Variants in GRM1 observed in about 807,000 individuals in gnomAD.
The protein encoded by GRM1 is glutamate metabotropic receptor 1.
In GRM1, 33 loss-of-function variants were observed where a neutral mutation model predicts 90.9. That is an observed-to-expected ratio of 0.36 (90% CI 0.28 to 0.49). The LOEUF is 0.49. Ranked by LOEUF, GRM1 falls within the 20% of genes least tolerant of loss-of-function variation. The pLI, the probability that GRM1 is intolerant of heterozygous loss-of-function variation, is 0.99. For missense variants in GRM1, 1,190 were observed against 1,534.3 expected, an observed-to-expected ratio of 0.78 and a Z score of 3.75; for synonymous variants, 700 against 613.2, an observed-to-expected ratio of 1.14 and a Z score of -2.09.
In GRM1 at chr6:146,352,126, G is replaced by T; in HGVS notation, c.1187-124G>T. ...TACAAAGCTTGCACAGGTGGGCGTG[G>T]CTTCTGCCAGTGTCATTGCTCATTC... On this transcript the variant is annotated intron_variant, in intron 3 of 7. Coordinates refer to ENST00000282753, the MANE Select transcript of GRM1 (RefSeq NM_001278064.2). The T allele has an allele frequency of 6.6e-6, 6 of 915,152 alleles. No individual in the cohort carries two copies. In the South Asian group the frequency reaches 8.0e-5, roughly 12 times the overall value. 56.7% of individuals were successfully genotyped at this position (915,152 alleles called of 1,614,324 possible).
At chr6:146,128,213 A>G (rs1031788231) in intron 1 of GRM1, among the ~76,000 whole-genome samples, 6 of 152,168 alleles carry the variant, frequency 3.9e-5, no homozygotes, top group East Asian at 1.9e-4. Context: ...AGCAGGGTCT[A>G]TGTCTCAATG....
intron 7 of GRM1, among the ~76,000 whole-genome samples, chr6:146,403,683 G>C (rs528695888): frequency 6.6e-6 from 1 of 152,018 alleles, no homozygotes; most frequent in East Asian, 1.9e-4. Context: ...AAGCATTTTG[G>C]TTTTCTTTCC....
At chr6:146,059,653 T>C (rs1018716491) in intron 1 of GRM1, among the ~76,000 whole-genome samples, 2 of 152,170 alleles carry the variant, frequency 1.3e-5, no homozygotes, top group African/African-American at 4.8e-5. Flanking sequence ...CAAAGCTTTA[T>C]GTAGTTTGTC....
intron 2 of GRM1, among the ~76,000 whole-genome samples, chr6:146,226,441 C>T (rs1431321284): frequency 6.6e-6 from 1 of 152,122 alleles, no homozygotes; most frequent in Non-Finnish European, 1.5e-5. Flanking sequence ...TTCCTTTGAA[C>T]TCTTTAGCTA....
intron 1 of GRM1, among the ~76,000 whole-genome samples, chr6:146,134,604 C>A (rs1018357538): frequency 1.3e-5 from 2 of 152,036 alleles, no homozygotes; most frequent in Non-Finnish European, 1.5e-5. Flanking sequence ...CTTATAAAAC[C>A]GTCAGATCTC....
chr6:146,142,503 G>C (rs1230748824), intron 1 of GRM1, among the ~76,000 whole-genome samples: 1 of 152,100 alleles, frequency 6.6e-6, no homozygotes, highest in East Asian at 1.9e-4. Context: ...CCCCAGGCCT[G>C]GGTGGATCCA....
At chr6:146,254,426 A>T (rs1781410905) in intron 2 of GRM1, among the ~76,000 whole-genome samples, 1 of 152,198 alleles carries the variant, frequency 6.6e-6, no homozygotes, top group Non-Finnish European at 1.5e-5. Flanking sequence ...GCTGAGAAGG[A>T]AGAATGGATT....
intron 2 of GRM1, among the ~76,000 whole-genome samples, chr6:146,180,816 A>G (rs562068783): frequency 4.9e-4 from 75 of 152,196 alleles, no homozygotes; most frequent in Non-Finnish European, 9.8e-4. Flanking sequence ...AAAATGTTCT[A>G]ATAAAATAGT....
At chr6:146,328,035 A>T (rs1330677126) in intron 3 of GRM1, among the ~76,000 whole-genome samples, 2 of 152,072 alleles carry the variant, frequency 1.3e-5, no homozygotes, top group African/African-American at 4.8e-5. Context: ...CCTACATCAC[A>T]ATTTATTTGG....
intron 1 of GRM1, among the ~76,000 whole-genome samples, chr6:146,151,627 C>A (rs1048410433): frequency 6.6e-6 from 1 of 152,128 alleles, no homozygotes; most frequent in Non-Finnish European, 1.5e-5. Context: ...CACTATAAAT[C>A]AATTTTTCTG....
chr6:146,324,447 A>T (rs1784328225), intron 3 of GRM1, among the ~76,000 whole-genome samples: 1 of 152,002 alleles, frequency 6.6e-6, no homozygotes, highest in African/African-American at 2.4e-5. Context: ...GAAAAAAAAT[A>T]AAAAATTAAA....
chr6:146,145,864 G>A (rs1362360335), intron 1 of GRM1, among the ~76,000 whole-genome samples: 1 of 152,076 alleles, frequency 6.6e-6, no homozygotes, highest in African/African-American at 2.4e-5. Context: ...ACAGCTAGGT[G>A]TACTGAGCCC....
At chr6:146,187,669 TTAATTGAAATA>T (rs1306769138) in intron 2 of GRM1, among the ~76,000 whole-genome samples, 3 of 151,818 alleles carry the variant, frequency 2.0e-5, no homozygotes, top group Non-Finnish European at 4.4e-5. Flanking sequence ...CTGGGTTAAT[TTAATTGAAATA>T]TAATTTATAT....
At chr6:146,175,823 G>T (rs1475708914) in intron 2 of GRM1, among the ~76,000 whole-genome samples, 2 of 152,002 alleles carry the variant, frequency 1.3e-5, no homozygotes, top group Non-Finnish European at 2.9e-5. Flanking sequence ...TAGTTGATAG[G>T]GTATGGGTTA....
intron 6 of GRM1, among the ~76,000 whole-genome samples, chr6:146,388,214 T>C (rs1776579241): frequency 6.6e-6 from 1 of 152,056 alleles, no homozygotes; most frequent in South Asian, 2.1e-4. Flanking sequence ...GCCCCTCGTC[T>C]TATCATCTTA....
intron 5 of GRM1, among the ~76,000 whole-genome samples, chr6:146,360,132 A>G (rs963875388): frequency 2.6e-5 from 4 of 152,198 alleles, no homozygotes; most frequent in African/African-American, 7.2e-5. Flanking sequence ...AGGTGATTGT[A>G]GGACATACAC....
intron 3 of GRM1, among the ~76,000 whole-genome samples, chr6:146,313,837 T>C (rs1583311094): frequency 6.6e-6 from 1 of 152,096 alleles, no homozygotes; most frequent in Admixed American, 6.6e-5. Flanking sequence ...TTGTGCCTCA[T>C]TGAAAATCCC....
chr6:146,312,349 C>CAAAAAAAAAAA (rs1166008558), intron 3 of GRM1, among the ~76,000 whole-genome samples: 6 of 21,334 alleles, frequency 2.8e-4, no homozygotes, highest in East Asian at 1.9e-3. Context: ...AACTCCGTCT[C>CAAAAAAAAAAA]AAAAAAAAAA....
In GRM1 at chr6:146,398,320, G is replaced by A. The variant is rs1173269134; in HGVS notation, c.1730-449G>A. ...TGCTGGCCAAAAACGACTTGTCTAT[G>A]AGCTGGACTTGCCTACAGACAATGG... On this transcript the variant is annotated intron_variant, in intron 6 of 7. Coordinates refer to ENST00000282753, the MANE Select transcript of GRM1 (RefSeq NM_001278064.2). 3.3e-5 allele frequency among the ~76,000 whole-genome samples: 5 copies of A among 152,340 alleles called. No homozygotes were observed. In the South Asian group the frequency reaches 1.0e-3, roughly 32 times the overall value.
Sources: gnomAD v4.1 joint callset for allele counts (sites outside exome capture counted in the v4.1 genomes callset) on GRCh38, gnomAD v4.1.1 for gene constraint, MANE v1.5 for transcripts, NCBI Gene and HGNC (gene_info 2026-07-23, HGNC 2026-07-21) for gene names.